ASAP2: variants seen among roughly 807,000 people sequenced by gnomAD.
ASAP2 encodes the protein ArfGAP with SH3 domain, ankyrin repeat and PH domain 2, also known as arf-GAP with SH3 domain, ANK repeat and PH domain-containing protein 2.
In ASAP2, 45 loss-of-function variants were observed where a neutral mutation model predicts 131.4. That is an observed-to-expected ratio of 0.34 (90% confidence interval 0.27 to 0.44). The LOEUF (loss-of-function observed/expected upper bound fraction) is 0.44. ASAP2 is among the 20% of genes least tolerant of loss of function. The pLI, the probability that ASAP2 is intolerant of heterozygous loss-of-function variation, is 1.00. For missense variants in ASAP2, 1,011 were observed against 1,297.0 expected, an observed-to-expected ratio of 0.78 and a Z score of 3.39; for synonymous variants, 510 against 503.0, an observed-to-expected ratio of 1.01 and a Z score of -0.19.
chr2:9,307,219 G>A (rs965374928), intron 3 of ASAP2, among the ~76,000 whole-genome samples: 1 of 152,192 alleles, frequency 6.6e-6, no homozygotes, highest in Admixed American at 6.5e-5. Flanking sequence ...GATTCCGCAG[G>A]TCTGGGATAG....
chr2:9,368,173 C>T (rs137957835), intron 15 of ASAP2, among the ~76,000 whole-genome samples: 2 of 152,306 alleles, frequency 1.3e-5, no homozygotes, highest in African/African-American at 4.8e-5. Context: ...CTGGTTCTCC[C>T]TGTCTCTGTC....
At chr2:9,378,689 G>A (rs1309062635) in intron 18 of ASAP2, among the ~76,000 whole-genome samples, 1 of 152,186 alleles carries the variant, frequency 6.6e-6, no homozygotes, top group Non-Finnish European at 1.5e-5. Context: ...AGCAACAACA[G>A]GGATGCCCCC....
At chr2:9,242,125 G>A (rs1360330706) in intron 1 of ASAP2, among the ~76,000 whole-genome samples, 1 of 152,194 alleles carries the variant, frequency 6.6e-6, no homozygotes, top group Non-Finnish European at 1.5e-5. Context: ...AGAGAGGGGG[G>A]AGGTCTGTGC....
chr2:9,393,171 C>T (rs1435734906), intron 23 of ASAP2, among the ~76,000 whole-genome samples: 1 of 152,150 alleles, frequency 6.6e-6, no homozygotes, highest in African/African-American at 2.4e-5. Context: ...GCTGTTGGGT[C>T]TTTGAGTGGA....
At chr2:9,239,472 T>C (rs929745780) in intron 1 of ASAP2, among the ~76,000 whole-genome samples, 5 of 152,084 alleles carry the variant, frequency 3.3e-5, no homozygotes, top group Admixed American at 2.0e-4. Context: ...GGGGTGGTGG[T>C]GGGGGGAGAT....
chr2:9,359,330 G>A (rs912447003), intron 15 of ASAP2, among the ~76,000 whole-genome samples: 2 of 152,260 alleles, frequency 1.3e-5, no homozygotes, highest in African/African-American at 2.4e-5. Context: ...TGTCCCCCAT[G>A]GGGGGAGATA....
At chr2:9,348,268 C>T (rs1672100563) in intron 11 of ASAP2, among the ~76,000 whole-genome samples, 1 of 152,030 alleles carries the variant, frequency 6.6e-6, no homozygotes, top group African/African-American at 2.4e-5. Flanking sequence ...AGGTGCATGC[C>T]ACCATGCCCA....
intron 1 of ASAP2, among the ~76,000 whole-genome samples, chr2:9,265,332 C>T (rs540583343): frequency 1.3e-5 from 2 of 152,148 alleles, no homozygotes; most frequent in African/African-American, 2.4e-5. Context: ...TGGAATTCAA[C>T]GGAATCCCGG....
chr2:9,336,948 G>A (rs10169339), intron 9 of ASAP2, among the ~76,000 whole-genome samples: 4,606 of 152,346 alleles, frequency 0.03, 235 homozygotes, highest in African/African-American at 0.11. Flanking sequence ...GGGGCCAAAT[G>A]GCCCTCTGGG....
chr2:9,394,106 C>G (rs183250079), intron 24 of ASAP2, among the ~76,000 whole-genome samples: 2 of 150,978 alleles, frequency 1.3e-5, no homozygotes, highest in Admixed American at 6.6e-5. Flanking sequence ...CCAGGTCAAG[C>G]TTAGCTGTTT....
chr2:9,245,989 G>T (rs1013170671), intron 1 of ASAP2, among the ~76,000 whole-genome samples: 7 of 152,186 alleles, frequency 4.6e-5, no homozygotes, highest in African/African-American at 1.7e-4. Context: ...GATGGGGATG[G>T]CTATCTAAGT....
intron 1 of ASAP2, among the ~76,000 whole-genome samples, chr2:9,262,437 A>G (rs908930921): frequency 2.0e-5 from 3 of 152,212 alleles, no homozygotes; most frequent in Admixed American, 6.5e-5. Flanking sequence ...ACACATAAGC[A>G]TTGGTGATCT....
chr2:9,211,491 C>A (rs1661556152), intron 1 of ASAP2, among the ~76,000 whole-genome samples: 1 of 151,748 alleles, frequency 6.6e-6, no homozygotes, highest in Non-Finnish European at 1.5e-5. Flanking sequence ...TTTAGTTAGA[C>A]CCTCCTTTAT....
chr2:9,359,567 C>G (rs1426784313), intron 15 of ASAP2, among the ~76,000 whole-genome samples: 1 of 152,178 alleles, frequency 6.6e-6, no homozygotes, highest in Non-Finnish European at 1.5e-5. Context: ...TTCTTGAATT[C>G]TCTCCTGGGA....
rs147371192 is a variant in ASAP2 at position 9,393,551 on chromosome 2, C to G, written c.2588C>G (p.Pro863Arg). ...AGCGTAATGGAAGCCTTGAGCCAGC[C>G]GAGCAAGCCTGCCCCGCCTGGGATC... ...TPSVMEALSQPSKPAPPGISQ... is the reference protein window; with the variant it reads ...TPSVMEALSQRSKPAPPGISQ... Residue 863 changes from proline (P) to arginine (R), a missense_variant, in exon 24 of 28, where the codon CCG becomes CGG. Physicochemically the swap from Pro to Arg is moderately radical, Grantham distance 103 (BLOSUM62 -2). Transcript: ENST00000281419. The G allele has an allele frequency of 6.3e-7, 1 of 1,591,042 alleles. No individual in the cohort carries two copies. The highest frequency in any genetic ancestry group is 1.1e-5 in the South Asian group (1 of 88,580).
At chr2:9,354,127 C>T (rs546252536) in intron 12 of ASAP2, among the ~76,000 whole-genome samples, 2 of 152,310 alleles carry the variant, frequency 1.3e-5, no homozygotes, top group African/African-American at 4.8e-5. Flanking sequence ...ATCCGCGAAC[C>T]CCATAGGCAC....
chr2:9,396,836 T>C (rs1327334498), intron 24 of ASAP2, among the ~76,000 whole-genome samples: 1 of 152,128 alleles, frequency 6.6e-6, no homozygotes, highest in Non-Finnish European at 1.5e-5. Context: ...ACCCTATCTC[T>C]ACTAAAATTA....
At position 9,207,594 on chromosome 2, in the gene ASAP2, G is replaced by T. The variant is rs1661210987; in HGVS notation, c.126+364G>T. Among the ~76,000 whole-genome samples, 1 of 152,146 alleles carries T rather than the reference G, an allele frequency of 6.6e-6. No homozygotes were observed. The highest frequency in any genetic ancestry group is 2.4e-5 in the African/African-American group (1 of 41,460). The stretch of plus-strand genomic sequence containing the variant: ...CCCGGGGTCTTTGGTACCCGGTGCG[G>T]ACCTTATCAACTTGTTCTTGAAGTG... On this transcript the variant is annotated intron_variant, in intron 1 of 27. Coordinates refer to ENST00000281419, the MANE Select transcript of ASAP2 (RefSeq NM_003887.3). This position sits in a 1 kb window ranked among gnomAD's most constrained non-coding sequence, Gnocchi z 4.1.
At chr2:9,360,108 G>T (rs992149385) in intron 15 of ASAP2, among the ~76,000 whole-genome samples, 1 of 152,210 alleles carries the variant, frequency 6.6e-6, no homozygotes, top group African/African-American at 2.4e-5. Context: ...TTTCAAAGAA[G>T]CACAAAGTAC....
Sources: allele counts gnomAD v4.1 joint callset (sites outside exome capture counted in the v4.1 genomes callset), GRCh38; gene constraint gnomAD v4.1.1; non-coding constraint Gnocchi (gnomAD v3.1); transcripts MANE v1.5; gene names NCBI Gene and HGNC (gene_info 2026-07-23, HGNC 2026-07-21).